Variants in MGAT4D observed in about 807,000 individuals in gnomAD.
The protein encoded by MGAT4D is MGAT4 family member D.
Under a neutral mutation model 15.9 loss-of-function variants are expected in MGAT4D, and 34 were observed. The observed-to-expected ratio is 2.14, with a 90% CI of 1.62 to 2.84. The LOEUF is 2.84. MGAT4D is among the 30% of genes most tolerant of loss of function. The pLI is 0.00. For synonymous variants in MGAT4D, 112 were observed against 48.2 expected (o/e 2.33, Z -5.49); for missense variants, 327 against 140.2 (o/e 2.33, Z -6.73).
chr4:140,465,819 G>A (rs776276335), intron 5 of MGAT4D, among the ~76,000 whole-genome samples: 11 of 152,152 alleles, frequency 7.2e-5, no homozygotes, highest in Admixed American at 2.0e-4. Context: ...AATTCTGAAT[G>A]TATAAACTTC....
chr4:140,482,096 A>G (rs1378535637), intron 2 of MGAT4D, among the ~76,000 whole-genome samples: 1 of 152,174 alleles, frequency 6.6e-6, no homozygotes, highest in Non-Finnish European at 1.5e-5. Flanking sequence ...TCTTGAATGG[A>G]TCATGGATGG....
chr4:140,497,364 T>C (rs1157674782), intron 1 of MGAT4D, among the ~76,000 whole-genome samples: 2 of 152,230 alleles, frequency 1.3e-5, no homozygotes, highest in Non-Finnish European at 2.9e-5. Flanking sequence ...GGATACCTGG[T>C]TAAATTTGAA....
At chr4:140,459,319 A>T in intron 8 of MGAT4D, 193 bp downstream of exon 8, 1 of 277,876 alleles carries the variant, frequency 3.6e-6, no homozygotes, top group East Asian at 5.6e-5. Context: ...TCTAGAAAAA[A>T]GTTTGGTTAA....
chr4:140,472,125 A>G (rs1732005893), intron 4 of MGAT4D, among the ~76,000 whole-genome samples: 1 of 152,122 alleles, frequency 6.6e-6, no homozygotes, highest in Non-Finnish European at 1.5e-5. Context: ...TTATATATCT[A>G]AAGATGTTTT....
chr4:140,461,628 C>T (rs770983442), intron 7 of MGAT4D, among the ~76,000 whole-genome samples: 7 of 151,838 alleles, frequency 4.6e-5, no homozygotes, highest in Non-Finnish European at 7.4e-5. Context: ...CATACAATTT[C>T]GTTTTTTTGA....
intron 8 of MGAT4D, chr4:140,459,192 GAA>G (rs2126715247): frequency 6.3e-6 from 1 of 158,862 alleles, no homozygotes; most frequent in African/African-American, 2.4e-5. Flanking sequence ...GTAAAGCAGA[GAA>G]AAGTACATCT....
At chr4:140,448,069 G>A (rs1730246090) in intron 10 of MGAT4D, among the ~76,000 whole-genome samples, 2 of 152,200 alleles carry the variant, frequency 1.3e-5, no homozygotes, top group South Asian at 2.1e-4. Context: ...TCAACTGAGA[G>A]GTCTACTGTT....
At chr4:140,484,291 G>T (rs1434507313) in intron 1 of MGAT4D, among the ~76,000 whole-genome samples, 2 of 152,270 alleles carry the variant, frequency 1.3e-5, no homozygotes, top group Admixed American at 6.5e-5. Flanking sequence ...ATAAAAAAGT[G>T]CTTGATACCA....
At chr4:140,485,473 G>A (rs1733049156) in intron 1 of MGAT4D, among the ~76,000 whole-genome samples, 1 of 151,798 alleles carries the variant, frequency 6.6e-6, no homozygotes, top group African/African-American at 2.4e-5. Flanking sequence ...AGTGGGTGCA[G>A]CATACCAGCA....
chr4:140,466,494 G>A (rs1477186614), intron 5 of MGAT4D, among the ~76,000 whole-genome samples: 1 of 152,016 alleles, frequency 6.6e-6, no homozygotes, highest in African/African-American at 2.4e-5. Context: ...TTTAAGTTCT[G>A]TGATAAGAAA....
intron 5 of MGAT4D, among the ~76,000 whole-genome samples, chr4:140,468,764 A>G (rs1394107690): frequency 2.0e-5 from 3 of 152,226 alleles, no homozygotes; most frequent in Middle Eastern, 6.8e-3. Flanking sequence ...TAAATCACCT[A>G]TTTCAAGCCT....
Position 140,464,986 on chromosome 4 carries a change from C to G in MGAT4D, c.596G>C (p.Gly199Ala). 1 of 702,056 alleles carries G rather than the reference C, an allele frequency of 1.4e-6. No homozygotes were observed. The highest frequency in any genetic ancestry group is 2.6e-6 in the Non-Finnish European group (1 of 384,494). 43.5% of individuals were successfully genotyped at this position (702,056 alleles called of 1,614,324 possible). A position where few individuals can be genotyped will look rare whatever the true frequency, so the allele number is the denominator to read the frequency against. Residue 199 changes from glycine to alanine, a missense_variant, in exon 6 of 11, where the codon GGA becomes GCA. Physicochemically the swap from Gly to Ala is moderately conservative, Grantham distance 60. Coordinates refer to ENST00000511113, the MANE Select transcript of MGAT4D (RefSeq NM_001277353.2). Reference protein sequence around the residue: ...TKKFKRQVRSGSLEVISIPAF... With the variant: ...TKKFKRQVRSASLEVISIPAF... ...AGGTATTGAAATGACCTCTAAGGAT[C>G]CAGACCTCACTTGCCTTTTGAATCT...
At chr4:140,449,884 T>G (rs1007394819) in intron 10 of MGAT4D, 1 of 197,378 alleles carries the variant, frequency 5.1e-6, no homozygotes, top group Non-Finnish European at 1.0e-5. Flanking sequence ...CAACAAAAGT[T>G]GAACATTCAT....
intron 1 of MGAT4D, among the ~76,000 whole-genome samples, chr4:140,485,543 A>G (rs1310033950): frequency 1.3e-5 from 2 of 152,006 alleles, no homozygotes; most frequent in South Asian, 2.1e-4. Flanking sequence ...CTAAAACTTA[A>G]AAGTATAATA....
At chr4:140,473,990 C>T (rs1732151787) in intron 4 of MGAT4D, among the ~76,000 whole-genome samples, 1 of 152,126 alleles carries the variant, frequency 6.6e-6, no homozygotes, top group South Asian at 2.1e-4. Flanking sequence ...GCATGAACCA[C>T]CATGCCCCAC....
intron 7 of MGAT4D, among the ~76,000 whole-genome samples, chr4:140,461,561 T>C (rs1483933958): frequency 2.6e-5 from 4 of 152,176 alleles, no homozygotes; most frequent in African/African-American, 9.6e-5. Flanking sequence ...GTCTGACAAA[T>C]GCTTAAAATG....
At chr4:140,449,475 C>T (rs1225177444) in intron 10 of MGAT4D, among the ~76,000 whole-genome samples, 2 of 152,066 alleles carry the variant, frequency 1.3e-5, no homozygotes, top group East Asian at 3.9e-4. Flanking sequence ...AAAATTTTAT[C>T]ATGGCCAGGC....
chr4:140,482,039 A>C (rs1732766370), intron 2 of MGAT4D, among the ~76,000 whole-genome samples: 1 of 152,210 alleles, frequency 6.6e-6, no homozygotes, highest in African/African-American at 2.4e-5. Flanking sequence ...AGTATGCAAG[A>C]GGTAGAGCGA....
At chr4:140,462,679 G>A (rs965548083) in intron 6 of MGAT4D, 6 of 152,148 alleles carry the variant, frequency 3.9e-5, no homozygotes, top group East Asian at 1.9e-4. Flanking sequence ...CAATCCTAGG[G>A]AATGGAGTAA....
Sources: allele counts gnomAD v4.1 joint callset (sites outside exome capture counted in the v4.1 genomes callset), GRCh38; gene constraint gnomAD v4.1.1; transcripts MANE v1.5; gene names NCBI Gene and HGNC (gene_info 2026-07-23, HGNC 2026-07-21).